Variants in TYK2 observed in about 807,000 individuals in gnomAD.
TYK2 encodes non-receptor tyrosine-protein kinase TYK2.
TYK2 carries 65 observed loss-of-function variants against 130.9 expected under a neutral mutation model. The ratio of observed to expected loss-of-function variants is 0.50; its 90% confidence interval spans 0.41 to 0.61. The LOEUF (loss-of-function observed/expected upper bound fraction) is 0.61, where lower values mean the gene tolerates loss of function less well. Ranked by LOEUF, TYK2 falls within the 20% of genes least tolerant of loss-of-function variation. The pLI is 0.00. For synonymous variants in TYK2, 647 were observed against 658.9 expected (o/e 0.98, Z 0.28); for missense variants, 1,378 against 1,610.7 (o/e 0.86, Z 2.47).
intron 3 of TYK2, 169 bp from the exon 4 acceptor site, chr19:10,368,587 T>C: frequency 1.1e-6 from 1 of 899,430 alleles, no homozygotes; most frequent in Non-Finnish European, 1.7e-6. Context: ...ATGTTGCCCA[T>C]GCTGTGGCCT....
chr19:10,356,845 T>G (rs1251295405), intron 17 of TYK2, 127 bp from the exon 18 acceptor site: 1 of 927,168 alleles, frequency 1.1e-6, no homozygotes, highest in African/African-American at 1.6e-5. Flanking sequence ...ATTATACAGA[T>G]GAGGCAACTG....
chr19:10,377,107 G>T (rs1382979429), intron 3 of TYK2, among the ~76,000 whole-genome samples: 7 of 151,908 alleles, frequency 4.6e-5, no homozygotes, highest in African/African-American at 1.7e-4. Context: ...GTCTCCCTAT[G>T]TTGCCCAGGC....
intron 2 of TYK2, among the ~76,000 whole-genome samples, chr19:10,379,154 C>T (rs1041728135): frequency 5.9e-5 from 9 of 151,918 alleles, no homozygotes; most frequent in Middle Eastern, 3.4e-3. Flanking sequence ...CCACTGTGCC[C>T]GGCCTCTACA....
intron 23 of TYK2, 132 bp from the exon 24 acceptor site, chr19:10,351,294 C>T: frequency 2.9e-6 from 2 of 680,872 alleles, no homozygotes; most frequent in Admixed American, 4.2e-5. Flanking sequence ...CGAGACCAGC[C>T]TGGCCAACAT....
chr19:10,368,452 G>A (rs375503304), intron 3 of TYK2, 34 bp from the exon 4 acceptor site: 26 of 1,613,542 alleles, frequency 1.6e-5, no homozygotes, highest in African/African-American at 4.0e-5. Context: ...CAGGAGTCAC[G>A]TCATTTGCTA....
intron 3 of TYK2, among the ~76,000 whole-genome samples, chr19:10,371,848 T>C (rs1184750749): frequency 6.6e-6 from 1 of 152,140 alleles, no homozygotes; most frequent in African/African-American, 2.4e-5. Flanking sequence ...GACTTTGCAA[T>C]GGTCTCCCCT....
At chr19:10,368,660 T>C (rs1249776190) in intron 3 of TYK2, 1 of 514,778 alleles carries the variant, frequency 1.9e-6, no homozygotes, top group Non-Finnish European at 3.5e-6. Flanking sequence ...GCACTGCTGG[T>C]TTCTGGCCAA....
chr19:10,375,156 G>A (rs1402242256), intron 3 of TYK2, among the ~76,000 whole-genome samples: 2 of 150,250 alleles, frequency 1.3e-5, no homozygotes, highest in African/African-American at 2.5e-5. Context: ...GCAAGAGAGA[G>A]ACTGTCTCTA....
chr19:10,360,429 C>T (rs892029508), intron 14 of TYK2, among the ~76,000 whole-genome samples: 10 of 151,962 alleles, frequency 6.6e-5, no homozygotes, highest in Non-Finnish European at 1.2e-4. Context: ...CCCGGGAGGT[C>T]GAGGCTTCAG....
intron 3 of TYK2, among the ~76,000 whole-genome samples, chr19:10,372,484 A>ATATATATATATATAT (rs1390400916): frequency 5.3e-5 from 2 of 37,424 alleles, no homozygotes; most frequent in African/African-American, 2.6e-4. Flanking sequence ...ATATATATAT[A>ATATATATATATATAT]TTTTTTTTTT....
At chr19:10,378,038 A>ATGGATGGGTGGTTGGGAGGG (rs1164777890) in intron 3 of TYK2, among the ~76,000 whole-genome samples, 176 bp downstream of exon 3, 3 of 94,938 alleles carry the variant, frequency 3.2e-5, no homozygotes, top group Non-Finnish European at 6.3e-5. Context: ...GGGTGGGTGG[A>ATGGATGGGTGGTTGGGAGGG]TGGATGGGTG....
chr19:10,351,762 A>G (rs1196406984), intron 23 of TYK2, among the ~76,000 whole-genome samples: 1 of 151,990 alleles, frequency 6.6e-6, no homozygotes, highest in Non-Finnish European at 1.5e-5. Context: ...TTTTTGAGAC[A>G]GTCTCTCGCT....
rs773849968 is a variant in TYK2 at position 10,364,833 on chromosome 19, C to G, written c.1209+18G>C. On this transcript the variant is annotated intron_variant, in intron 8 of 24. Transcript: ENST00000525621. This position sits in a 1 kb window ranked among gnomAD's most constrained non-coding sequence, Gnocchi z 4.9. ...AGGCCATGATGGGCCCTAGCCCAGC[C>G]CCTACCCTGGGCCTCACCAGGCACT... 3.1e-6 allele frequency: 5 copies of G among 1,613,974 alleles called. No homozygotes were observed. The South Asian group carries it at 5.5e-5, about 18-fold the overall frequency.
chr19:10,368,677 G>A (rs889629704), intron 3 of TYK2: 2 of 484,596 alleles, frequency 4.1e-6, no homozygotes, highest in African/African-American at 3.9e-5. Context: ...CCAAAGGGCT[G>A]GGTACATTTC....
chr19:10,362,257 A>C lies in TYK2; in HGVS notation c.1669+7T>G, dbSNP rs280519. On this transcript the variant is annotated splice_region_variant and intron_variant, in intron 11 of 24. Transcript: ENST00000525621. ...CATCCCACCCAGAGGTCCCCCTATCATCGTACCTCCTGGTTGGGGCAGGCA... is the reference window on the plus strand; with the variant it reads ...CATCCCACCCAGAGGTCCCCCTATCCTCGTACCTCCTGGTTGGGGCAGGCA... 2.2e-5 allele frequency: 35 copies of C among 1,613,562 alleles called. No homozygotes were observed. Among genetic ancestry groups the C allele is most frequent in the Non-Finnish European group, 3.0e-5 (35 of 1,179,868 alleles).
chr19:10,373,405 C>G (rs564874550), intron 3 of TYK2, among the ~76,000 whole-genome samples: 3 of 152,006 alleles, frequency 2.0e-5, no homozygotes, highest in African/African-American at 7.2e-5. Flanking sequence ...GTGGTGCGAT[C>G]TCGGCTCACT....
chr19:10,351,704 GTTA>G (rs1257656145), intron 23 of TYK2, among the ~76,000 whole-genome samples: 2 of 152,078 alleles, frequency 1.3e-5, no homozygotes, highest in East Asian at 3.8e-4. Flanking sequence ...GGTGTTTGCC[GTTA>G]TTATTAAGCC....
chr19:10,357,588 G>C, intron 17 of TYK2, 176 bp downstream of exon 17: 1 of 851,120 alleles, frequency 1.2e-6, no homozygotes, highest in Non-Finnish European at 1.9e-6. Flanking sequence ...CTTCCACAAG[G>C]ACCTAAAAAG....
chr19:10,355,674 A>G (rs1311802117), intron 18 of TYK2, among the ~76,000 whole-genome samples: 3 of 149,066 alleles, frequency 2.0e-5, no homozygotes, highest in South Asian at 2.1e-4. Context: ...AAAAAAAAAA[A>G]GAAAATAGGT....
Sources: allele counts gnomAD v4.1 joint callset (sites outside exome capture counted in the v4.1 genomes callset), GRCh38; gene constraint gnomAD v4.1.1; non-coding constraint Gnocchi (gnomAD v3.1); transcripts MANE v1.5; gene names NCBI Gene and HGNC (gene_info 2026-07-23, HGNC 2026-07-21).